The following KSR2 variants were observed in gnomAD, a reference collection of about 807,000 sequenced individuals.
KSR2 encodes kinase suppressor of ras 2.
Under a neutral mutation model 107.8 loss-of-function variants are expected in KSR2, and 25 were observed. The observed-to-expected ratio is 0.23, with a 90% CI of 0.17 to 0.32. The LOEUF is 0.32. Ranked by LOEUF, KSR2 falls within the 10% of genes least tolerant of loss-of-function variation. The pLI is 1.00. For synonymous variants in KSR2, 480 were observed against 507.0 expected, an observed-to-expected ratio of 0.95 and a Z score of 0.71; for missense variants, 887 against 1,268.9, an observed-to-expected ratio of 0.70 and a Z score of 4.57.
At chr12:117,745,765 C>G (rs1235406128) in intron 4 of KSR2, among the ~76,000 whole-genome samples, 1 of 152,098 alleles carries the variant, frequency 6.6e-6, no homozygotes, top group African/African-American at 2.4e-5. Flanking sequence ...GCAAAAATCA[C>G]AAGCATTCCT....
intron 4 of KSR2, among the ~76,000 whole-genome samples, chr12:117,756,140 G>T (rs1003796206): frequency 3.3e-5 from 5 of 152,220 alleles, no homozygotes; most frequent in African/African-American, 9.6e-5. Flanking sequence ...AGAAGCTGCA[G>T]CAAGTTACCT....
In KSR2 at chr12:117,794,071, T is replaced by C. The variant is rs545266031; in HGVS notation, c.473-32547A>G. ...GCACACTCGTACCAACATGCACACA[T>C]ACACCAACATGCACACTCACACCAA... On this transcript the variant is annotated intron_variant, in intron 3 of 19. Transcript: ENST00000339824. Among the ~76,000 whole-genome samples, 53 of 48,352 alleles carry C rather than the reference T, an allele frequency of 1.1e-3. 4 individuals are homozygous for C. Among genetic ancestry groups the C allele is most frequent in the African/African-American group, 3.7e-3 (39 of 10,434 alleles). 31.7% of individuals were successfully genotyped at this position (48,352 alleles called of 152,430 possible). A position where few individuals can be genotyped will look rare whatever the true frequency, so the allele number is the denominator to read the frequency against.
intron 14 of KSR2, among the ~76,000 whole-genome samples, chr12:117,506,381 C>T (rs1592936963): frequency 6.6e-6 from 1 of 152,216 alleles, no homozygotes; most frequent in Non-Finnish European, 1.5e-5. Context: ...TGACATTTCT[C>T]TTTCCAGCCA....
intron 1 of KSR2, among the ~76,000 whole-genome samples, chr12:117,884,638 G>A (rs941731632): frequency 6.6e-6 from 1 of 152,172 alleles, no homozygotes. Flanking sequence ...TCTAATTCTG[G>A]TGGATGTGCA....
At chr12:117,956,915 A>G (rs1473318802) in intron 1 of KSR2, among the ~76,000 whole-genome samples, 1 of 152,206 alleles carries the variant, frequency 6.6e-6, no homozygotes, top group African/African-American at 2.4e-5. Flanking sequence ...CAGGTCTAAA[A>G]TATCTCCCTC....
chr12:117,645,309 T>G (rs1304639502), intron 5 of KSR2, among the ~76,000 whole-genome samples: 1 of 152,196 alleles, frequency 6.6e-6, no homozygotes, highest in Non-Finnish European at 1.5e-5. Context: ...TTTTTTTTAG[T>G]ACATGAACCA....
chr12:117,696,200 T>C (rs1304873745), intron 4 of KSR2, among the ~76,000 whole-genome samples: 1 of 152,150 alleles, frequency 6.6e-6, no homozygotes, highest in Admixed American at 6.5e-5. Flanking sequence ...ACCTGCCACC[T>C]GCCACTCCAG....
At chr12:117,624,463 T>C (rs4767579) in intron 5 of KSR2, among the ~76,000 whole-genome samples, 136,546 of 152,242 alleles carry the variant, frequency 0.9, 61,398 homozygotes, top group East Asian at 0.99. Flanking sequence ...CCCAGCACCA[T>C]TTATTAAGTA....
rs557266418 is a variant in KSR2 at position 117,655,972 on chromosome 12, G to A, written c.1171+11502C>T. On this transcript the variant is annotated intron_variant, in intron 5 of 19. Coordinates refer to ENST00000339824, the MANE Select transcript of KSR2 (RefSeq NM_173598.6). ...CAAATGACCCGGACCCTTCAGGAAT[G>A]AAGGTTTGTGTCACTCCAGCAGGAA... 2.6e-5 allele frequency among the ~76,000 whole-genome samples: 4 copies of A among 152,296 alleles called. No individual in the cohort carries two copies. The South Asian group carries it at 8.3e-4, about 32-fold the overall frequency.
chr12:117,813,871 C>T (rs1306906812), intron 3 of KSR2, among the ~76,000 whole-genome samples: 2 of 152,070 alleles, frequency 1.3e-5, no homozygotes, highest in Admixed American at 1.3e-4. Flanking sequence ...ATGGATTGAC[C>T]CAAGTGTCCA....
chr12:117,638,846 T>A (rs1444324882), intron 5 of KSR2, among the ~76,000 whole-genome samples: 4 of 152,140 alleles, frequency 2.6e-5, no homozygotes, highest in Admixed American at 2.6e-4. Flanking sequence ...GCACAAAATT[T>A]AAGGGGATAT....
At chr12:117,840,970 C>G (rs1246761907) in intron 3 of KSR2, among the ~76,000 whole-genome samples, 3 of 150,408 alleles carry the variant, frequency 2.0e-5, no homozygotes, top group Non-Finnish European at 4.4e-5. Flanking sequence ...CCGCTGCAAT[C>G]TAGCCGGGGC....
chr12:117,768,724 G>GA (rs1889332815), intron 3 of KSR2, among the ~76,000 whole-genome samples: 1 of 151,936 alleles, frequency 6.6e-6, no homozygotes, highest in Admixed American at 6.6e-5. Flanking sequence ...TATTAGAAGA[G>GA]AAAAAAGGAA....
At chr12:117,766,541 T>C (rs1889234006) in intron 3 of KSR2, among the ~76,000 whole-genome samples, 1 of 152,200 alleles carries the variant, frequency 6.6e-6, no homozygotes, top group South Asian at 2.1e-4. Context: ...ATTAATTTTA[T>C]GTTATGTGAA....
chr12:117,461,011 T>C lies in KSR2; in HGVS notation c.*6188A>G, dbSNP rs1425215233. The C allele has an allele frequency of 6.6e-6, 1 of 152,300 alleles. No homozygotes were observed. The highest frequency in any genetic ancestry group is 2.4e-5 in the African/African-American group (1 of 41,436). The allele number at this position is 152,300 out of a possible 1,614,324, so 9.4% of individuals were successfully genotyped here. A position where few individuals can be genotyped will look rare whatever the true frequency, so the allele number is the denominator to read the frequency against. Reference sequence around the variant, plus strand: ...GGCAAACTGGCTCAGCACAATGGCTTAGCCCTGTAATCCCAGTGCTTTGGG... The same window carrying C: ...GGCAAACTGGCTCAGCACAATGGCTCAGCCCTGTAATCCCAGTGCTTTGGG... On this transcript the variant is annotated 3_prime_UTR_variant, in exon 20 of 20. Coordinates refer to ENST00000339824, the MANE Select transcript of KSR2 (RefSeq NM_173598.6).
In KSR2 at chr12:117,740,417, TTA is replaced by T. The variant is rs60667517; in HGVS notation, c.986+20592_986+20593del. 5.1e-4 allele frequency among the ~76,000 whole-genome samples: 65 copies of T among 127,020 alleles called. 3 individuals are homozygous for T. The South Asian group carries it at 6.9e-3, about 13-fold the overall frequency. 83.3% of individuals were successfully genotyped at this position (127,020 alleles called of 152,430 possible). ...ATAATATATGTACTATATACATATA[TTA>T]TATATGTTATATATTACATTAATAT... On this transcript the variant is annotated intron_variant, in intron 4 of 19. Transcript: ENST00000339824.
chr12:117,711,539 T>C (rs1356212128), intron 4 of KSR2, among the ~76,000 whole-genome samples: 2 of 152,212 alleles, frequency 1.3e-5, no homozygotes, highest in Non-Finnish European at 2.9e-5. Context: ...ACACCCAAGG[T>C]AGATGGAGTT....
chr12:117,918,650 T>C (rs1895252221), intron 1 of KSR2, among the ~76,000 whole-genome samples: 1 of 151,328 alleles, frequency 6.6e-6, no homozygotes, highest in African/African-American at 2.4e-5. Context: ...TATCCGGGCG[T>C]GGTGGCGCAT....
chr12:117,547,862 C>T (rs12827655), intron 9 of KSR2, among the ~76,000 whole-genome samples: 52,383 of 151,830 alleles, frequency 0.35, 9,445 homozygotes, highest in Non-Finnish European at 0.4. Context: ...TTTGGGAGGC[C>T]GTGGCAGGTG....
Sources: allele counts gnomAD v4.1 joint callset (sites outside exome capture counted in the v4.1 genomes callset), GRCh38; gene constraint gnomAD v4.1.1; transcripts MANE v1.5; gene names NCBI Gene and HGNC (gene_info 2026-07-23, HGNC 2026-07-21).